AGPAT5: variants seen among roughly 807,000 people sequenced by gnomAD.
The protein encoded by AGPAT5 is 1-acyl-sn-glycerol-3-phosphate acyltransferase epsilon.
Under a neutral mutation model 45.6 loss-of-function variants are expected in AGPAT5, and 46 were observed. The observed-to-expected ratio is 1.01, with a 90% CI of 0.80 to 1.29. The LOEUF (loss-of-function observed/expected upper bound fraction) is 1.29. Ranked by LOEUF, AGPAT5 falls within the 50% of genes most tolerant of loss-of-function variation. The pLI is 0.00. For missense variants in AGPAT5, 673 were observed against 450.7 expected, an observed-to-expected ratio of 1.49 and a Z score of -4.47; for synonymous variants, 272 against 167.0, an observed-to-expected ratio of 1.63 and a Z score of -4.85.
intron 1 of AGPAT5, among the ~76,000 whole-genome samples, chr8:6,718,096 T>A (rs969094765): frequency 1.3e-5 from 2 of 152,232 alleles, no homozygotes; most frequent in East Asian, 3.8e-4. Flanking sequence ...TGAAACTGCC[T>A]AGCTCAGTGA....
intron 1 of AGPAT5, among the ~76,000 whole-genome samples, chr8:6,720,051 C>T (rs1440126523): frequency 6.6e-6 from 1 of 152,150 alleles, no homozygotes; most frequent in Non-Finnish European, 1.5e-5. Context: ...GAGAGACATT[C>T]TGGGGAACTC....
intron 2 of AGPAT5, among the ~76,000 whole-genome samples, chr8:6,726,899 T>C (rs779373195): frequency 1.3e-5 from 2 of 152,224 alleles, no homozygotes; most frequent in Non-Finnish European, 2.9e-5. Context: ...GGGAATGATT[T>C]TAAATTTCTT....
Position 6,761,451 on chromosome 8 carries a change from G to T in AGPAT5, c.*4063G>T, listed in dbSNP as rs567251015. Among the ~76,000 whole-genome samples the T allele has an allele frequency of 3.7e-4, 57 of 152,240 alleles. 1 individual carries two copies. The South Asian group carries it at 0.012, about 31-fold the overall frequency. On this transcript the variant is annotated 3_prime_UTR_variant, in exon 8 of 8. Transcript: ENST00000285518. Reference sequence around the variant, plus strand: ...AATAAAGTCTGACTTGTGTTTTTGAGATTATTGGTGCCTCATTAATTCAGC... The same window carrying T: ...AATAAAGTCTGACTTGTGTTTTTGATATTATTGGTGCCTCATTAATTCAGC...
intron 3 of AGPAT5, 121 bp downstream of exon 3, chr8:6,730,947 C>A: frequency 1.9e-6 from 1 of 519,786 alleles, no homozygotes. Context: ...CAGCTCACTG[C>A]AGCCTTGACC....
chr8:6,714,025 G>C (rs1800241436), intron 1 of AGPAT5, among the ~76,000 whole-genome samples: 2 of 152,138 alleles, frequency 1.3e-5, no homozygotes, highest in African/African-American at 4.8e-5. Context: ...AATGAAACAT[G>C]TTTACTTAGA....
chr8:6,715,678 C>T (rs1195218288), intron 1 of AGPAT5, among the ~76,000 whole-genome samples: 1 of 152,060 alleles, frequency 6.6e-6, no homozygotes. Context: ...AATGAGACCC[C>T]CTACTTTCAA....
intron 6 of AGPAT5, among the ~76,000 whole-genome samples, chr8:6,748,485 G>C (rs1277031857): frequency 6.6e-6 from 1 of 151,994 alleles, no homozygotes; most frequent in East Asian, 1.9e-4. Flanking sequence ...AGAACACTAG[G>C]CTTCATGGGG....
intron 4 of AGPAT5, among the ~76,000 whole-genome samples, chr8:6,740,527 T>C (rs996486223): frequency 6.7e-6 from 1 of 148,926 alleles, no homozygotes; most frequent in African/African-American, 2.4e-5. Flanking sequence ...AATTATTAAA[T>C]ATAAAGATAC....
chr8:6,743,119 T>G (rs1324087146), intron 5 of AGPAT5, among the ~76,000 whole-genome samples: 2 of 152,208 alleles, frequency 1.3e-5, no homozygotes, highest in Admixed American at 6.5e-5. Flanking sequence ...TTCTCCATTA[T>G]CCTCCCAACT....
At position 6,759,992 on chromosome 8, in the gene AGPAT5, A is replaced by G. The variant is rs1292380435; in HGVS notation, c.*2604A>G. On this transcript the variant is annotated 3_prime_UTR_variant, in exon 8 of 8. Coordinates refer to ENST00000285518, the MANE Select transcript of AGPAT5 (RefSeq NM_018361.5). ...AAGTGCCGATCTGGCTAACTCTTAC[A>G]CCATACATACTGATAGTTTTTCATA... Among the ~76,000 whole-genome samples the G allele has an allele frequency of 6.6e-6, 1 of 152,184 alleles. No homozygotes were observed. Among genetic ancestry groups the G allele is most frequent in the Non-Finnish European group, 1.5e-5 (1 of 68,050 alleles).
In AGPAT5 at chr8:6,760,705, T is replaced by C. The variant is rs1021316276; in HGVS notation, c.*3317T>C. On this transcript the variant is annotated 3_prime_UTR_variant, in exon 8 of 8. Transcript: ENST00000285518. ...TAAACAAGATTTTTTCTCCCTCCTT[T>C]TGGGCCAGTTTTCATTACGAGTAAC... is the stretch of plus-strand genomic sequence containing the variant. 7.2e-5 allele frequency among the ~76,000 whole-genome samples: 11 copies of C among 152,210 alleles called. No homozygotes were observed. Among genetic ancestry groups the C allele is most frequent in the Admixed American group, 5.9e-4 (9 of 15,288 alleles).
chr8:6,741,752 GTAAGTAAAAATT>G lies in AGPAT5; in HGVS notation c.586+3_586+14del. On this transcript the variant is annotated splice_donor_variant and splice_donor_5th_base_variant and intron_variant, in intron 5 of 7. Transcript: ENST00000285518. LOFTEE classifies it high-confidence loss of function. ...AGTCAGGCATTTGCTGCCCAACGTG[GTAAGTAAAAATT>G]TGAGTGTTTGAACAAATAATTTTCA... 1 of 1,608,154 alleles carries G rather than the reference GTAAGTAAAAATT, an allele frequency of 6.2e-7. No homozygotes were observed. Among genetic ancestry groups the G allele is most frequent in the Non-Finnish European group, 8.5e-7 (1 of 1,176,348 alleles).
rs1368336600 is a variant in AGPAT5, at chr8:6,759,588, G to T, written c.*2200G>T. 4.0e-5 allele frequency: 6 copies of T among 151,816 alleles called. No homozygotes were observed. The highest frequency in any genetic ancestry group is 5.9e-5 in the Non-Finnish European group (4 of 67,986). 9.4% of individuals were successfully genotyped at this position (151,816 alleles called of 1,614,324 possible). A position where few individuals can be genotyped will look rare whatever the true frequency, so the allele number is the denominator to read the frequency against. On this transcript the variant is annotated 3_prime_UTR_variant, in exon 8 of 8. Coordinates refer to ENST00000285518, the MANE Select transcript of AGPAT5 (RefSeq NM_018361.5). ...TTCTTTATAAGAATGCCGTCGATGT[G>T]CATGCTTTTATGTTTTTCAGAAAAG...
chr8:6,753,645 G>A (rs997967060), intron 6 of AGPAT5, among the ~76,000 whole-genome samples: 1 of 152,104 alleles, frequency 6.6e-6, no homozygotes, highest in Non-Finnish European at 1.5e-5. Flanking sequence ...TGGAGATCCA[G>A]GCTACCTGAC....
intron 1 of AGPAT5, among the ~76,000 whole-genome samples, chr8:6,717,659 A>AT (rs1291378020): frequency 6.6e-6 from 1 of 152,246 alleles, no homozygotes; most frequent in East Asian, 1.9e-4. Context: ...GAGCTGTTGC[A>AT]TATGTAAGCA....
Position 6,708,863 on chromosome 8 carries a change from C to T in AGPAT5, c.195C>T (p.Phe65=), listed in dbSNP as rs1185970527. 1.9e-6 allele frequency: 3 copies of T among 1,608,484 alleles called. No individual in the cohort carries two copies. The highest frequency in any genetic ancestry group is 1.3e-5 in the African/African-American group (1 of 74,636). The change falls in exon 1 of 8, where the codon TTC becomes TTT. Residue 65 remains phenylalanine, a synonymous_variant. Coordinates refer to ENST00000285518, the MANE Select transcript of AGPAT5 (RefSeq NM_018361.5). ...YCVYQSMVLF[F]FENYTGVQIL... ...TCTACCAGAGCATGGTGCTCTTCTT[C>T]TTCGAGAATTACACCGGGGTCCAGG...
rs369984798 is a variant in AGPAT5, at chr8:6,731,464, C to T, written c.405+638C>T. Among the ~76,000 whole-genome samples, 8 of 152,188 alleles carry T rather than the reference C, an allele frequency of 5.3e-5. No individual in the cohort carries two copies. In the South Asian group the frequency reaches 1.7e-3, roughly 32 times the overall value. ...TCTAGATTACTTATAATATCTAATA[C>T]ATTATAAATGCCATGTAAATGGTTG... On this transcript the variant is annotated intron_variant, in intron 3 of 7. Coordinates refer to ENST00000285518, the MANE Select transcript of AGPAT5 (RefSeq NM_018361.5).
intron 7 of AGPAT5, among the ~76,000 whole-genome samples, chr8:6,755,425 C>A (rs978230542): frequency 6.6e-6 from 1 of 152,170 alleles, no homozygotes; most frequent in Admixed American, 6.5e-5. Flanking sequence ...GATAACATAG[C>A]AAATTAAATT....
In AGPAT5 at chr8:6,757,298, G is replaced by A; in HGVS notation, c.1005G>A (p.Met335Ile). ...MLILSGLTAG[M>I]LMTDAGRKLY... The stretch of plus-strand genomic sequence containing the variant: ...TCTTAAGTGGTTTGACTGCAGGCAT[G>A]CTTATGACCGATGCTGGAAGGAAGC... The change falls in exon 8 of 8, where the codon ATG (methionine) becomes ATA (isoleucine). Residue 335 changes from methionine to isoleucine, a missense_variant. Met to Ile is a conservative substitution (Grantham distance 10, BLOSUM62 1). Transcript: ENST00000285518. 2 of 1,614,204 alleles carry A rather than the reference G, an allele frequency of 1.2e-6. No homozygotes were observed. Among genetic ancestry groups the A allele is most frequent in the Non-Finnish European group, 1.7e-6 (2 of 1,180,030 alleles).
Sources: allele counts gnomAD v4.1 joint callset (sites outside exome capture counted in the v4.1 genomes callset), GRCh38; gene constraint gnomAD v4.1.1; transcripts MANE v1.5; gene names NCBI Gene and HGNC (gene_info 2026-07-23, HGNC 2026-07-21).